TEX10: variants seen among roughly 807,000 people sequenced by gnomAD.
The protein encoded by TEX10 is testis expressed 10.
A neutral mutation model predicts 104.4 loss-of-function variants in TEX10; 24 were observed. That is an observed-to-expected ratio of 0.23 (90% CI 0.17 to 0.32). The LOEUF is 0.32. TEX10 is among the 10% of genes least tolerant of loss of function. TEX10 has a pLI of 1.00. For synonymous variants in TEX10, 396 were observed against 393.4 expected (o/e 1.01, Z -0.08); for missense variants, 921 against 1,083.9 (o/e 0.85, Z 2.11).
chr9:100,322,854 G>A (rs1041103707), intron 9 of TEX10, among the ~76,000 whole-genome samples: 1 of 152,136 alleles, frequency 6.6e-6, no homozygotes. Context: ...GACCTCAGGT[G>A]ATCCACCTGC....
chr9:100,330,858 G>T (rs1162219791), intron 5 of TEX10, among the ~76,000 whole-genome samples: 2 of 152,214 alleles, frequency 1.3e-5, no homozygotes, highest in African/African-American at 4.8e-5. Flanking sequence ...GCCCATGCCT[G>T]TAATCCCAGT....
intron 13 of TEX10, chr9:100,306,936 A>C (rs924450947): frequency 2.0e-5 from 3 of 152,230 alleles, no homozygotes; most frequent in African/African-American, 7.2e-5. Context: ...ACAGGAAATA[A>C]CAAATAGCAA....
chr9:100,346,337 A>C, intron 3 of TEX10, 22 bp from the exon 4 acceptor site: 1 of 1,578,746 alleles, frequency 6.3e-7, no homozygotes, highest in Non-Finnish European at 8.6e-7. Flanking sequence ...AAGAAAGAAA[A>C]AAATTAAGTG....
chr9:100,342,781 C>T (rs145652958), intron 4 of TEX10, among the ~76,000 whole-genome samples: 34 of 152,274 alleles, frequency 2.2e-4, no homozygotes, highest in African/African-American at 8.2e-4. Context: ...CTGACCCTGA[C>T]ACTACTAATA....
At chr9:100,328,126 C>T (rs1037560179) in intron 7 of TEX10, among the ~76,000 whole-genome samples, 164 bp from the exon 8 acceptor site, 6 of 152,000 alleles carry the variant, frequency 3.9e-5, no homozygotes, top group South Asian at 2.1e-4. Context: ...CTACAAGATG[C>T]CAGCATCATT....
At position 100,342,336 on chromosome 9, in the gene TEX10, T is replaced by A. The variant is rs568324837; in HGVS notation, c.1138-1967A>T. On this transcript the variant is annotated intron_variant, in intron 4 of 14. Transcript: ENST00000374902. ...GTACTGACATTATATATTTGTTTAC[T>A]GTCTATAGATCCCACCAGAAGGTAC... Among the ~76,000 whole-genome samples the A allele has an allele frequency of 2.0e-5, 3 of 152,328 alleles. No individual in the cohort carries two copies. The East Asian group carries it at 5.8e-4, about 29-fold the overall frequency.
At position 100,322,456 on chromosome 9, in the gene TEX10, A is replaced by G. The variant is rs193214960; in HGVS notation, c.1980-685T>C. On this transcript the variant is annotated intron_variant, in intron 9 of 14. Transcript: ENST00000374902. The stretch of plus-strand genomic sequence containing the variant: ...GCTAGGAAGAAAACAGATGTCAGTC[A>G]TGGGTATTGCAAAAAGGCTGAGAAT... 4.6e-5 allele frequency among the ~76,000 whole-genome samples: 7 copies of G among 152,328 alleles called. No individual in the cohort carries two copies. In the East Asian group the frequency reaches 1.2e-3, roughly 25 times the overall value.
chr9:100,310,467 T>G, intron 11 of TEX10, 88 bp from the exon 12 acceptor site: 3 of 1,229,720 alleles, frequency 2.4e-6, no homozygotes, highest in Non-Finnish European at 3.5e-6. Flanking sequence ...GAGACAGAGT[T>G]TCACTCTGTC....
intron 9 of TEX10, among the ~76,000 whole-genome samples, chr9:100,322,147 A>G (rs1020184339): frequency 1.3e-5 from 2 of 152,216 alleles, no homozygotes; most frequent in African/African-American, 2.4e-5. Context: ...CCCTCAGCAA[A>G]TGAGTTATGT....
At chr9:100,350,453 A>C (rs899172149) in intron 1 of TEX10, among the ~76,000 whole-genome samples, 4 of 152,060 alleles carry the variant, frequency 2.6e-5, no homozygotes, top group Admixed American at 2.6e-4. Context: ...GGCCCCATCC[A>C]TCCTCTCCAG....
intron 4 of TEX10, 28 bp from the exon 5 acceptor site, chr9:100,340,397 T>A (rs760626373): frequency 1.5e-6 from 2 of 1,368,230 alleles, no homozygotes; most frequent in Non-Finnish European, 2.0e-6. Flanking sequence ...ATTAGAAAAA[T>A]CTACAAGAAA....
At chr9:100,303,027 A>T (rs1398947135) in intron 14 of TEX10, among the ~76,000 whole-genome samples, 1 of 152,100 alleles carries the variant, frequency 6.6e-6, no homozygotes, top group East Asian at 1.9e-4. Flanking sequence ...CATTAGACAA[A>T]GCTGAAGTCT....
chr9:100,308,736 C>T, intron 12 of TEX10, 55 bp from the exon 13 acceptor site: 1 of 1,418,982 alleles, frequency 7.0e-7, no homozygotes, highest in Non-Finnish European at 9.3e-7. Flanking sequence ...CGCTCCTCCA[C>T]ATAAAACCAA....
chr9:100,322,256 T>C lies in TEX10; in HGVS notation c.1980-485A>G, dbSNP rs118139722. Among the ~76,000 whole-genome samples, 43 of 152,356 alleles carry C rather than the reference T, an allele frequency of 2.8e-4. No homozygotes were observed. In the East Asian group the frequency reaches 5.6e-3, roughly 20 times the overall value. ...CCACTATAAGGCAACTATGTGTTCT[T>C]ATTCTTAGTAAAGTTGTAACTAGGT... On this transcript the variant is annotated intron_variant, in intron 9 of 14. Transcript: ENST00000374902.
At chr9:100,336,563 G>A (rs1225634331) in intron 5 of TEX10, among the ~76,000 whole-genome samples, 1 of 152,086 alleles carries the variant, frequency 6.6e-6, no homozygotes, top group Non-Finnish European at 1.5e-5. Context: ...TCTAGTTGCA[G>A]GAAAACAAGC....
In TEX10 at chr9:100,329,913, C is replaced by G. The variant is rs1326610918; in HGVS notation, c.1489+18G>C. ...TAAGAGCTCCACTCTTAAATAAGGG[C>G]AAAGTAGCATCACCTACCTCTGTTT... On this transcript the variant is annotated intron_variant, in intron 6 of 14. Coordinates refer to ENST00000374902, the MANE Select transcript of TEX10 (RefSeq NM_017746.4). The G allele has an allele frequency of 9.4e-6, 15 of 1,587,572 alleles. No homozygotes were observed. The highest frequency in any genetic ancestry group is 1.3e-5 in the Non-Finnish European group (15 of 1,163,958).
At chr9:100,308,426 C>A in intron 13 of TEX10, 74 bp downstream of exon 13, 1 of 1,293,732 alleles carries the variant, frequency 7.7e-7, no homozygotes, top group Non-Finnish European at 1.0e-6. Flanking sequence ...TTATCTTTAA[C>A]TGTCTATTTT....
intron 12 of TEX10, 58 bp downstream of exon 12, chr9:100,310,241 T>C (rs577437772): frequency 2.1e-6 from 3 of 1,417,030 alleles, no homozygotes; most frequent in Admixed American, 1.8e-5. Context: ...TGGAAAACTC[T>C]ATTCTAACCA....
At chr9:100,307,834 T>G (rs1235186568) in intron 13 of TEX10, 1 of 152,136 alleles carries the variant, frequency 6.6e-6, no homozygotes, top group Non-Finnish European at 1.5e-5. Context: ...TATTTTCATG[T>G]CATTTAAAAG....
Sources: gnomAD v4.1 joint callset for allele counts (sites outside exome capture counted in the v4.1 genomes callset) on GRCh38, gnomAD v4.1.1 for gene constraint, MANE v1.5 for transcripts, NCBI Gene and HGNC (gene_info 2026-07-23, HGNC 2026-07-21) for gene names.